Variants in NBEAL1 observed in about 807,000 individuals in gnomAD.
NBEAL1 encodes neurobeachin like 1, also known as neurobeachin-like protein 1.
Under a neutral mutation model 351.3 loss-of-function variants are expected in NBEAL1, and 273 were observed. The observed-to-expected ratio is 0.78, with a 90% CI of 0.70 to 0.86. NBEAL1 has a LOEUF of 0.86. Among genes scored for constraint, NBEAL1 ranks in the 40% least tolerant of loss-of-function variants. The pLI, the probability that NBEAL1 is intolerant of heterozygous loss-of-function variation, is 0.00. For missense variants in NBEAL1, 2,961 were observed against 3,201.3 expected, an observed-to-expected ratio of 0.92 and a Z score of 1.81; for synonymous variants, 1,050 against 1,086.4, an observed-to-expected ratio of 0.97 and a Z score of 0.66.
In NBEAL1 at chr2:203,224,598, A is replaced by C. The variant is rs777461206; in HGVS notation, c.*7244A>C. Among the ~76,000 whole-genome samples the C allele has an allele frequency of 6.6e-5, 10 of 152,178 alleles. No homozygotes were observed. Among genetic ancestry groups the C allele is most frequent in the Non-Finnish European group, 1.3e-4 (9 of 67,994 alleles). ...ATAGTCAATTCAGAGCGTAATAACT[A>C]AAAATTCAGAATGACTTGTTTTTTG... On this transcript the variant is annotated 3_prime_UTR_variant, in exon 56 of 56. Transcript: ENST00000683969.
rs780340446 is a variant in NBEAL1 at position 203,211,009 on chromosome 2, C to A, written c.7837C>A (p.Gln2613Lys). ...TATAAATGGCAAGTATCTAGGGTCTCAAATCCTGAAGGAACAAGTATCAGA... is the reference window on the plus strand; with the variant it reads ...TATAAATGGCAAGTATCTAGGGTCTAAAATCCTGAAGGAACAAGTATCAGA... ...FSINGKYLGSQILKEQVSDIC... is the reference protein window; with the variant it reads ...FSINGKYLGSKILKEQVSDIC... The change falls in exon 54 of 56, where the codon CAA (glutamine) becomes AAA (lysine). Residue 2613 changes from glutamine (Q) to lysine (K), a missense_variant. Coordinates refer to ENST00000683969, the MANE Select transcript of NBEAL1 (RefSeq NM_001378026.1). 5 of 1,604,922 alleles carry A rather than the reference C, an allele frequency of 3.1e-6. No homozygotes were observed. In the South Asian group the frequency reaches 5.6e-5, roughly 18 times the overall value.
chr2:203,102,050 T>A (rs1211453760), intron 12 of NBEAL1, among the ~76,000 whole-genome samples: 4 of 152,256 alleles, frequency 2.6e-5, no homozygotes, highest in Admixed American at 2.0e-4. Context: ...TATTCCCAGT[T>A]ATTTTATTCT....
chr2:203,145,674 T>C (rs2063492709), intron 33 of NBEAL1, among the ~76,000 whole-genome samples: 1 of 151,510 alleles, frequency 6.6e-6, no homozygotes, highest in Non-Finnish European at 1.5e-5. Context: ...AGCATGTGCC[T>C]GTAATCCCAG....
intron 46 of NBEAL1, among the ~76,000 whole-genome samples, chr2:203,192,519 G>A (rs1262741788): frequency 6.6e-6 from 1 of 151,668 alleles, no homozygotes; most frequent in Non-Finnish European, 1.5e-5. Flanking sequence ...CAAGTAGCTG[G>A]GATTACAGAG....
At chr2:203,082,823 A>T (rs557266340) in intron 8 of NBEAL1, among the ~76,000 whole-genome samples, 3 of 152,332 alleles carry the variant, frequency 2.0e-5, no homozygotes, top group Admixed American at 2.0e-4. Flanking sequence ...CTGCTACTTT[A>T]ATCATGGACT....
At chr2:203,208,516 CAG>C (rs1237240780) in intron 51 of NBEAL1, 119 bp from the exon 52 acceptor site, 2 of 684,478 alleles carry the variant, frequency 2.9e-6, no homozygotes, top group Non-Finnish European at 5.2e-6. Flanking sequence ...TGAATAGACT[CAG>C]TGGTTGTAAC....
At chr2:203,020,235 G>A (rs1255590809) in intron 2 of NBEAL1, among the ~76,000 whole-genome samples, 5 of 152,104 alleles carry the variant, frequency 3.3e-5, no homozygotes, top group Non-Finnish European at 1.5e-5. Flanking sequence ...TAATTAAATT[G>A]TTAGAAACAT....
chr2:203,121,220 A>G (rs1005320389), intron 18 of NBEAL1, among the ~76,000 whole-genome samples: 3 of 151,934 alleles, frequency 2.0e-5, no homozygotes, highest in South Asian at 2.1e-4. Flanking sequence ...TCTATGGTTT[A>G]TCTCTCATTT....
chr2:203,114,726 C>T (rs914477285), intron 17 of NBEAL1, among the ~76,000 whole-genome samples: 3 of 151,774 alleles, frequency 2.0e-5, no homozygotes, highest in Non-Finnish European at 4.4e-5. Context: ...ATATTAGAAC[C>T]TTATCTTTTC....
chr2:203,218,236 A>G lies in NBEAL1; in HGVS notation c.*882A>G, dbSNP rs2065917866. The G allele has an allele frequency of 1.3e-5, 2 of 152,176 alleles. No individual in the cohort carries two copies. Among genetic ancestry groups the G allele is most frequent in the African/African-American group, 4.8e-5 (2 of 41,440 alleles). The allele number at this position is 152,176 out of a possible 1,614,324, so 9.4% of individuals were successfully genotyped here. On this transcript the variant is annotated 3_prime_UTR_variant, in exon 56 of 56. Coordinates refer to ENST00000683969, the MANE Select transcript of NBEAL1 (RefSeq NM_001378026.1). ...CTGTGTGATTGATGAATGAATTGAA[A>G]AGATATGTATAACTTAAAATAATCA... is the stretch of plus-strand genomic sequence containing the variant.
At chr2:203,192,174 C>T (rs2065108868) in intron 46 of NBEAL1, among the ~76,000 whole-genome samples, 1 of 152,152 alleles carries the variant, frequency 6.6e-6, no homozygotes, top group Non-Finnish European at 1.5e-5. Flanking sequence ...AATGCTTTAT[C>T]CCTTACCTTC....
intron 25 of NBEAL1, among the ~76,000 whole-genome samples, chr2:203,131,065 A>G (rs1369797675): frequency 1.3e-5 from 2 of 152,210 alleles, no homozygotes; most frequent in African/African-American, 2.4e-5. Flanking sequence ...TGTTCTTGCA[A>G]ACTACATGGT....
chr2:203,055,057 C>T (rs1347074470), intron 4 of NBEAL1, among the ~76,000 whole-genome samples: 2 of 152,182 alleles, frequency 1.3e-5, no homozygotes, highest in East Asian at 3.8e-4. Context: ...AAATGCAGGT[C>T]TCATCTCTTT....
At chr2:203,067,546 T>C (rs185050891) in intron 6 of NBEAL1, among the ~76,000 whole-genome samples, 152 of 152,372 alleles carry the variant, frequency 1.0e-3, no homozygotes, top group African/African-American at 3.4e-3. Context: ...AGCTCAATTA[T>C]GGTCATTAAG....
At chr2:203,199,891 C>T (rs1052728156) in intron 49 of NBEAL1, among the ~76,000 whole-genome samples, 9 of 152,104 alleles carry the variant, frequency 5.9e-5, no homozygotes, top group African/African-American at 1.7e-4. Context: ...AAATACAAAA[C>T]TTAGTTTCCA....
chr2:203,195,800 A>C (rs933937526), intron 47 of NBEAL1, among the ~76,000 whole-genome samples: 4 of 152,322 alleles, frequency 2.6e-5, no homozygotes, highest in South Asian at 2.1e-4. Flanking sequence ...CCAGTGCCCA[A>C]GGTTTTTATT....
At chr2:203,137,445 G>A (rs142459197) in intron 29 of NBEAL1, among the ~76,000 whole-genome samples, 81 of 152,226 alleles carry the variant, frequency 5.3e-4, no homozygotes, top group African/African-American at 1.8e-3. Flanking sequence ...GTAGTACACC[G>A]GGGAAGTATT....
At position 203,199,542 on chromosome 2, in the gene NBEAL1, A is replaced by G. The variant is rs1372655214; in HGVS notation, c.7238+95A>G. On this transcript the variant is annotated intron_variant, in intron 49 of 55. Transcript: ENST00000683969. ...AATTGATTCATTTATTCTGAAAGAA[A>G]TATTTTTTTTTTTTTTTTTTGAGAC... 8.0e-6 allele frequency: 5 copies of G among 623,932 alleles called. No homozygotes were observed. The Admixed American group carries it at 9.9e-5, about 12-fold the overall frequency. The allele number at this position is 623,932 out of a possible 1,614,324, so 38.6% of individuals were successfully genotyped here. A position where few individuals can be genotyped will look rare whatever the true frequency, so the allele number is the denominator to read the frequency against.
rs1386179226 is a variant in NBEAL1 at position 203,180,443 on chromosome 2, A to C, written c.6526A>C (p.Asn2176His). 16 of 1,608,222 alleles carry C rather than the reference A, an allele frequency of 9.9e-6. No individual in the cohort carries two copies. The highest frequency in any genetic ancestry group is 1.2e-5 in the Non-Finnish European group (14 of 1,175,080). The change falls in exon 43 of 56, where the codon AAT becomes CAT. Residue 2176 changes from asparagine (N) to histidine (H), a missense_variant. Transcript: ENST00000683969. The part of the protein sequence containing the change: ...IPATWQALMD[N>H]PYDVKELIPE... ...TGCTACCTGGCAAGCTCTTATGGAT[A>C]ATCCATATGATGTTAAAGAACTTAT...
Sources: gnomAD v4.1 joint callset for allele counts (sites outside exome capture counted in the v4.1 genomes callset) on GRCh38, gnomAD v4.1.1 for gene constraint, MANE v1.5 for transcripts, NCBI Gene and HGNC (gene_info 2026-07-23, HGNC 2026-07-21) for gene names.